The following PLEKHG1 variants were observed in gnomAD, a reference collection of about 807,000 sequenced individuals.
PLEKHG1 encodes the protein pleckstrin homology and RhoGEF domain containing G1.
In PLEKHG1, 44 loss-of-function variants were observed where a neutral mutation model predicts 100.8. The observed-to-expected ratio is 0.44, with a 90% CI of 0.34 to 0.56. The LOEUF (loss-of-function observed/expected upper bound fraction) is 0.56, where lower values mean the gene tolerates loss of function less well. PLEKHG1 is among the 20% of genes least tolerant of loss of function. The pLI is 0.01. For synonymous variants in PLEKHG1, 640 were observed against 662.5 expected, an observed-to-expected ratio of 0.97 and a Z score of 0.52; for missense variants, 1,545 against 1,720.9, an observed-to-expected ratio of 0.90 and a Z score of 1.81.
chr6:150,652,735 A>AT (rs1778802934), intron 3 of PLEKHG1, among the ~76,000 whole-genome samples: 2 of 151,686 alleles, frequency 1.3e-5, no homozygotes, highest in African/African-American at 4.8e-5. Context: ...AAAAAAAAAA[A>AT]GAAAAAAGGA....
intron 3 of PLEKHG1, among the ~76,000 whole-genome samples, chr6:150,686,542 G>A (rs904048005): frequency 6.6e-6 from 1 of 152,170 alleles, no homozygotes; most frequent in Non-Finnish European, 1.5e-5. Flanking sequence ...ATGAAGCATC[G>A]AGAATGATCA....
chr6:150,780,867 TTTTGTTTG>T (rs932935989), intron 3 of PLEKHG1, among the ~76,000 whole-genome samples: 1 of 151,800 alleles, frequency 6.6e-6, no homozygotes, highest in East Asian at 1.9e-4. Flanking sequence ...GCAGGGGGTT[TTTTGTTTG>T]TTTGTTTGTT....
intron 1 of PLEKHG1, among the ~76,000 whole-genome samples, chr6:150,613,627 A>G (rs894702796): frequency 6.6e-6 from 1 of 152,158 alleles, no homozygotes; most frequent in Non-Finnish European, 1.5e-5. Flanking sequence ...ATCCTTGCCC[A>G]TACCCTCCTG....
intron 2 of PLEKHG1, among the ~76,000 whole-genome samples, chr6:150,638,963 A>T (rs1039968274): frequency 6.6e-6 from 1 of 152,216 alleles, no homozygotes; most frequent in Non-Finnish European, 1.5e-5. Context: ...CACATGTGTA[A>T]ACATCATTGA....
intron 3 of PLEKHG1, among the ~76,000 whole-genome samples, chr6:150,702,083 A>G (rs1780812412): frequency 6.6e-6 from 1 of 152,246 alleles, no homozygotes; most frequent in African/African-American, 2.4e-5. Flanking sequence ...TTGAGCGATT[A>G]TACTTTTAAA....
chr6:150,697,948 T>G (rs80169451), intron 3 of PLEKHG1, among the ~76,000 whole-genome samples: 1 of 1,774 alleles, frequency 5.6e-4, no homozygotes, highest in African/African-American at 1.0e-3. Flanking sequence ...TGTTGTTGGG[T>G]TTTTTTTTGT....
exon 16 of PLEKHG1, chr6:150,840,726 C>A: frequency 6.2e-7 from 1 of 1,614,172 alleles, no homozygotes; most frequent in Non-Finnish European, 8.5e-7. Context: ...TCCGCGCACT[C>A]CAAAAAAGCC....
At chr6:150,660,138 G>A (rs1779131676) in intron 3 of PLEKHG1, among the ~76,000 whole-genome samples, 1 of 151,264 alleles carries the variant, frequency 6.6e-6, no homozygotes, top group African/African-American at 2.4e-5. Flanking sequence ...TTGAACTCCT[G>A]GCCTCAAGTG....
intron 3 of PLEKHG1, among the ~76,000 whole-genome samples, chr6:150,661,589 T>C (rs1779196705): frequency 6.6e-6 from 1 of 152,216 alleles, no homozygotes; most frequent in Non-Finnish European, 1.5e-5. Flanking sequence ...CTGATGTTCT[T>C]CCCATTGTTC....
intron 3 of PLEKHG1, among the ~76,000 whole-genome samples, chr6:150,775,433 A>C (rs1230025391): frequency 6.6e-6 from 1 of 152,196 alleles, no homozygotes; most frequent in Non-Finnish European, 1.5e-5. Context: ...TCAGAAGATC[A>C]GAGTAAAACT....
At chr6:150,700,577 C>T (rs920113258) in intron 3 of PLEKHG1, among the ~76,000 whole-genome samples, 2 of 152,194 alleles carry the variant, frequency 1.3e-5, no homozygotes, top group African/African-American at 4.8e-5. Context: ...CCCTTCACCC[C>T]CAAGTCACAT....
chr6:150,651,380 C>G (rs898873354), intron 3 of PLEKHG1, among the ~76,000 whole-genome samples: 1 of 151,960 alleles, frequency 6.6e-6, no homozygotes, highest in African/African-American at 2.4e-5. Flanking sequence ...ATAACAGGCA[C>G]GCACCACCAT....
Position 150,617,008 on chromosome 6 carries a change from T to C in PLEKHG1, c.-204+16991T>C, listed in dbSNP as rs139617195. Among the ~76,000 whole-genome samples the C allele has an allele frequency of 2.0e-5, 3 of 152,338 alleles. No individual in the cohort carries two copies. The East Asian group carries it at 5.8e-4, about 29-fold the overall frequency. Reference sequence around the variant, plus strand: ...AAAAGAAAATCAAGAACTTGGAATATAATGATTTTTACCAACATTAAGAAT... The same window carrying C: ...AAAAGAAAATCAAGAACTTGGAATACAATGATTTTTACCAACATTAAGAAT... On this transcript the variant is annotated intron_variant, in intron 1 of 3. Coordinates refer to the PLEKHG1 transcript ENST00000367326.
At chr6:150,665,049 G>A (rs1054237105) in intron 3 of PLEKHG1, among the ~76,000 whole-genome samples, 1 of 152,142 alleles carries the variant, frequency 6.6e-6, no homozygotes, top group African/African-American at 2.4e-5. Context: ...GGGAGAACAG[G>A]CTCCTTGGGG....
intron 2 of PLEKHG1, among the ~76,000 whole-genome samples, chr6:150,743,931 G>C (rs1783014982): frequency 6.6e-6 from 1 of 152,196 alleles, no homozygotes; most frequent in African/African-American, 2.4e-5. Context: ...GAATCAATAA[G>C]GGTAATGGAC....
At position 150,831,574 on chromosome 6, in the gene PLEKHG1, T is replaced by C. The variant is rs1776933585; in HGVS notation, c.2463T>C (p.Ser821=). ...ATGACTCTCCCAGTGGTAACTTGTC[T>C]ATGCCTCATAAGCCTGTATCTGATA... is the stretch of plus-strand genomic sequence containing the variant. The change falls in exon 15 of 16, where the codon TCT becomes TCC. Residue 821 remains serine, a synonymous_variant. Transcript: ENST00000358517. The surrounding 1 kb of genome is among the most constrained non-coding windows in gnomAD (Gnocchi z 4.1). 6.2e-7 allele frequency: 1 copy of C among 1,614,110 alleles called. No individual in the cohort carries two copies. The highest frequency in any genetic ancestry group is 8.5e-7 in the Non-Finnish European group (1 of 1,180,054).
At chr6:150,750,660 A>G (rs1213549628) in intron 2 of PLEKHG1, among the ~76,000 whole-genome samples, 2 of 148,754 alleles carry the variant, frequency 1.3e-5, no homozygotes, top group Non-Finnish European at 3.0e-5. Flanking sequence ...GGGCGCCTGT[A>G]GTCCCAGCTA....
Position 150,675,424 on chromosome 6 carries a change from A to G in PLEKHG1, c.-99+24638A>G, listed in dbSNP as rs187355099. ...GTGCGTTCATCACACATGCTCATCC[A>G]TTCTTGCTTTTTCTCTCACGCTTTC... is the stretch of plus-strand genomic sequence containing the variant. On this transcript the variant is annotated intron_variant, in intron 3 of 3. Transcript: ENST00000367326. Among the ~76,000 whole-genome samples the G allele has an allele frequency of 2.1e-3, 318 of 152,290 alleles. 3 individuals are homozygous for G. The highest frequency in any genetic ancestry group is 7.4e-3 in the African/African-American group (306 of 41,538).
At chr6:150,795,949 T>C in intron 5 of PLEKHG1, 47 bp downstream of exon 6, 1 of 1,224,816 alleles carries the variant, frequency 8.2e-7, no homozygotes, top group South Asian at 1.2e-5. Context: ...ACTTTCACAT[T>C]GTTTCAAGTC....
Sources: gnomAD v4.1 joint callset for allele counts (sites outside exome capture counted in the v4.1 genomes callset) on GRCh38, gnomAD v4.1.1 for gene constraint, Gnocchi (gnomAD v3.1) non-coding constraint, MANE v1.5 for transcripts, NCBI Gene and HGNC (gene_info 2026-07-23, HGNC 2026-07-21) for gene names.